DACH2: variants seen among roughly 807,000 people sequenced by gnomAD.
The protein encoded by DACH2 is dachshund homolog 2.
Under a neutral mutation model 35.8 loss-of-function variants are expected in DACH2, and 17 were observed. The ratio of observed to expected loss-of-function variants is 0.48; its 90% CI spans 0.33 to 0.71. The LOEUF is 0.71. Ranked by LOEUF, DACH2 falls within the 30% of genes least tolerant of loss-of-function variation. The pLI is 0.02. For synonymous variants in DACH2, 195 were observed against 177.3 expected, an observed-to-expected ratio of 1.10 and a Z score of -0.79; for missense variants, 469 against 472.7, an observed-to-expected ratio of 0.99 and a Z score of 0.07.
At chrX:86,398,092 C>T (rs1209517003) in intron 2 of DACH2, among the ~76,000 whole-genome samples, 1 of 111,919 alleles carries the variant, frequency 8.9e-6, no homozygotes, top group Non-Finnish European at 1.9e-5. Flanking sequence ...TTCAGAGATT[C>T]AACTTCTTCC....
chrX:86,691,010 C>G (rs754722247), intron 4 of DACH2, among the ~76,000 whole-genome samples: 15 of 112,066 alleles, frequency 1.3e-4, no homozygotes, highest in Non-Finnish European at 2.3e-4. Context: ...TCTTTACATA[C>G]TTAGGACTGT....
chrX:86,624,766 G>A (rs1018374902), intron 3 of DACH2, among the ~76,000 whole-genome samples: 13 of 110,761 alleles, frequency 1.2e-4, no homozygotes, highest in African/African-American at 3.0e-4. Flanking sequence ...GAACATATAC[G>A]GTCATATTCA....
chrX:86,606,505 T>C (rs1326394974), intron 3 of DACH2, among the ~76,000 whole-genome samples: 3 of 111,754 alleles, frequency 2.7e-5, no homozygotes, highest in Non-Finnish European at 5.7e-5. Context: ...TTCTAAAATT[T>C]CTCTTGTTAT....
At chrX:86,169,655 G>C (rs963804928) in intron 1 of DACH2, among the ~76,000 whole-genome samples, 2 of 109,001 alleles carry the variant, frequency 1.8e-5, no homozygotes, top group Non-Finnish European at 3.8e-5. Context: ...CTGCTTGATC[G>C]ATTGCATTTT....
intron 3 of DACH2, among the ~76,000 whole-genome samples, chrX:86,636,293 C>G (rs922419143): frequency 5.4e-5 from 6 of 110,205 alleles, no homozygotes; most frequent in African/African-American, 2.0e-4. Context: ...CTAAAAATAC[C>G]AAAAATGAGC....
intron 3 of DACH2, among the ~76,000 whole-genome samples, chrX:86,560,788 TA>T (rs1479557685): frequency 5.7e-5 from 2 of 35,013 alleles, no homozygotes; most frequent in Non-Finnish European, 1.1e-4. Flanking sequence ...CCTAAAACCA[TA>T]AAAACCCTAG....
At chrX:86,589,645 A>G (rs2039618709) in intron 3 of DACH2, among the ~76,000 whole-genome samples, 2 of 111,670 alleles carry the variant, frequency 1.8e-5, no homozygotes. Flanking sequence ...TCATGTATTT[A>G]TTATTATAAT....
intron 3 of DACH2, among the ~76,000 whole-genome samples, chrX:86,531,615 G>A (rs2038721862): frequency 8.9e-6 from 1 of 112,630 alleles, no homozygotes; most frequent in Admixed American, 9.4e-5. Context: ...CTAGATTTCA[G>A]AGGATGTATG....
intron 4 of DACH2, among the ~76,000 whole-genome samples, chrX:86,672,460 G>A (rs2040775729): frequency 9.0e-6 from 1 of 111,250 alleles, no homozygotes; most frequent in South Asian, 3.8e-4. Context: ...ATTGTAGGCT[G>A]GACCCAGGAC....
chrX:86,553,298 T>C (rs1270906234), intron 3 of DACH2, among the ~76,000 whole-genome samples: 1 of 111,529 alleles, frequency 9.0e-6, no homozygotes, highest in East Asian at 2.8e-4. Context: ...GGGAGAAAGA[T>C]GAAGGCCGGA....
intron 2 of DACH2, among the ~76,000 whole-genome samples, chrX:86,454,491 G>C (rs762362682): frequency 9.0e-6 from 1 of 111,476 alleles, no homozygotes; most frequent in Non-Finnish European, 1.9e-5. Context: ...TCTTTATTTC[G>C]TATTCTTGTC....
chrX:86,304,625 C>T (rs180859374), intron 1 of DACH2: 373 of 165,123 alleles, frequency 2.3e-3, no homozygotes, highest in East Asian at 4.4e-3. Flanking sequence ...CTCCTACCTC[C>T]GTTCTACAGA....
At chrX:86,176,570 G>A (rs5923493) in intron 1 of DACH2, among the ~76,000 whole-genome samples, 35,378 of 110,189 alleles carry the variant, frequency 0.32, 4,585 homozygotes, top group Middle Eastern at 0.43. Flanking sequence ...CAGATTTTAC[G>A]TTGTTAAACA....
chrX:86,791,844 T>C (rs935449688), intron 7 of DACH2, among the ~76,000 whole-genome samples: 12 of 112,114 alleles, frequency 1.1e-4, no homozygotes, highest in Admixed American at 2.8e-4. Context: ...TTTTTACTTT[T>C]ATATTAAGTT....
intron 1 of DACH2, among the ~76,000 whole-genome samples, chrX:86,338,498 G>T (rs1569355392): frequency 9.0e-6 from 1 of 111,727 alleles, no homozygotes; most frequent in East Asian, 2.8e-4. Flanking sequence ...AGGCATAAAT[G>T]AAGATGTTCT....
intron 3 of DACH2, among the ~76,000 whole-genome samples, chrX:86,535,894 G>T (rs1322743824): frequency 9.0e-6 from 1 of 111,338 alleles, no homozygotes; most frequent in Non-Finnish European, 1.9e-5. Flanking sequence ...ACATGTCTCA[G>T]ATCTTGAGGA....
rs761616601 is a variant in DACH2 at position 86,357,329 on chromosome X, G to T, written c.489-19495G>T. ...TTATTTTTATTACGCATAATACATAGGATTACAAATATCTTGACACTTAGT... is the reference window on the plus strand; with the variant it reads ...TTATTTTTATTACGCATAATACATATGATTACAAATATCTTGACACTTAGT... On this transcript the variant is annotated intron_variant, in intron 1 of 11. Transcript: ENST00000373125. Among the ~76,000 whole-genome samples, 8 of 111,648 alleles carry T rather than the reference G, an allele frequency of 7.2e-5. No homozygotes were observed. In the South Asian group the frequency reaches 1.1e-3, roughly 15 times the overall value.
chrX:86,656,210 T>G (rs976389635), intron 4 of DACH2, among the ~76,000 whole-genome samples: 2 of 111,416 alleles, frequency 1.8e-5, no homozygotes, highest in Non-Finnish European at 3.8e-5. Context: ...AGGACATGGC[T>G]TGAGGAAATT....
In DACH2 at chrX:86,695,572, G is replaced by A. The variant is rs187679982; in HGVS notation, c.931+393G>A. ...GTTGCCCAGGCTGGAGTGCAATGGCGTGATCGCGGCTCATTGCAACCTCCG... is the reference window on the plus strand; with the variant it reads ...GTTGCCCAGGCTGGAGTGCAATGGCATGATCGCGGCTCATTGCAACCTCCG... On this transcript the variant is annotated intron_variant, in intron 5 of 11. Transcript: ENST00000373125. Among the ~76,000 whole-genome samples the A allele has an allele frequency of 9.5e-3, 1,015 of 106,964 alleles. 4 individuals are homozygous for A. The highest frequency in any genetic ancestry group is 0.012 in the African/African-American group (344 of 29,083). 92.9% of individuals were successfully genotyped at this position (106,964 alleles called of 115,157 possible).
Sources: gnomAD v4.1 joint callset for allele counts (sites outside exome capture counted in the v4.1 genomes callset) on GRCh38, gnomAD v4.1.1 for gene constraint, MANE v1.5 for transcripts, NCBI Gene and HGNC (gene_info 2026-07-23, HGNC 2026-07-21) for gene names.